Variants in GLG1 observed in about 807,000 individuals in gnomAD.
The protein encoded by GLG1 is golgi glycoprotein 1.
In GLG1, 38 loss-of-function variants were observed where a neutral mutation model predicts 160.5. The ratio of observed to expected loss-of-function variants is 0.24; its 90% CI spans 0.18 to 0.31. GLG1 has a LOEUF of 0.31. GLG1 is among the 10% of genes least tolerant of loss of function. GLG1 has a pLI of 1.00. For synonymous variants in GLG1, 644 were observed against 543.4 expected, an observed-to-expected ratio of 1.19 and a Z score of -2.57; for missense variants, 1,373 against 1,505.2, an observed-to-expected ratio of 0.91 and a Z score of 1.45.
chr16:74,452,619 C>G lies in GLG1; in HGVS notation c.*548G>C. The G allele has an allele frequency of 3.0e-6, 3 of 999,150 alleles. No individual in the cohort carries two copies. Among genetic ancestry groups the G allele is most frequent in the Non-Finnish European group, 2.4e-6 (2 of 837,372 alleles). 61.9% of individuals were successfully genotyped at this position (999,150 alleles called of 1,614,324 possible). The stretch of plus-strand genomic sequence containing the variant: ...CCCACCCACGCCTCGGTGAAGACCA[C>G]GGCCCTGGCGAGGCCCCAAGGTGCT... On this transcript the variant is annotated 3_prime_UTR_variant, in exon 26 of 26. Coordinates refer to ENST00000422840, the MANE Select transcript of GLG1 (RefSeq NM_001145667.2).
At position 74,451,815 on chromosome 16, in the gene GLG1, G is replaced by A. The variant is rs2014316888; in HGVS notation, c.*1352C>T. 4.2e-6 allele frequency: 2 copies of A among 474,812 alleles called. No homozygotes were observed. The highest frequency in any genetic ancestry group is 3.8e-5 in the East Asian group (1 of 26,620). The allele number at this position is 474,812 out of a possible 1,614,324, so 29.4% of individuals were successfully genotyped here. A position where few individuals can be genotyped will look rare whatever the true frequency, so the allele number is the denominator to read the frequency against. ...CAGACTTGTCATCTCCACACTGGAG[G>A]AATGAGGCGGGATGGCCAAGAATAT... On this transcript the variant is annotated 3_prime_UTR_variant, in exon 26 of 26. Transcript: ENST00000422840.
In GLG1 at chr16:74,606,870, T is replaced by C. The variant is rs775357557; in HGVS notation, c.225A>G (p.Gln75=). The C allele has an allele frequency of 3.7e-6, 6 of 1,600,308 alleles. No individual in the cohort carries two copies. Among genetic ancestry groups the C allele is most frequent in the South Asian group, 1.1e-5 (1 of 89,930 alleles). Residue 75 remains glutamine (Q), a synonymous_variant, in exon 1 of 26, where the codon CAA becomes CAG. Coordinates refer to ENST00000422840, the MANE Select transcript of GLG1 (RefSeq NM_001145667.2). ...QLPQSSQLQQ[Q]QQQQQQQQQP... ...GCTGTTGCTGTTGCTGCTGCTGCTG[T>C]TGCTGCTGAAGCTGCGATGACTGAG...
At chr16:74,539,227 G>A (rs1003837045) in intron 1 of GLG1, among the ~76,000 whole-genome samples, 3 of 149,598 alleles carry the variant, frequency 2.0e-5, no homozygotes, top group African/African-American at 4.9e-5. Context: ...TAAACACAGT[G>A]TCATAATTTG....
At chr16:74,507,150 A>G (rs2016641533) in intron 3 of GLG1, among the ~76,000 whole-genome samples, 1 of 152,176 alleles carries the variant, frequency 6.6e-6, no homozygotes, top group Non-Finnish European at 1.5e-5. Context: ...CCTGATATTT[A>G]ATTTCCCTGA....
intron 10 of GLG1, among the ~76,000 whole-genome samples, chr16:74,481,465 C>CTT (rs905746085): frequency 6.8e-6 from 1 of 148,086 alleles, no homozygotes; most frequent in Admixed American, 6.8e-5. Flanking sequence ...CTATGCAGCA[C>CTT]TTTTTTTTTT....
At chr16:74,490,001 T>A (rs1351067068) in intron 8 of GLG1, among the ~76,000 whole-genome samples, 1 of 152,158 alleles carries the variant, frequency 6.6e-6, no homozygotes, top group African/African-American at 2.4e-5. Flanking sequence ...AACTATAAAA[T>A]AATAGACTGA....
At chr16:74,454,075 G>A (rs1383347766) in intron 25 of GLG1, among the ~76,000 whole-genome samples, 8 of 151,858 alleles carry the variant, frequency 5.3e-5, no homozygotes, top group African/African-American at 1.9e-4. Context: ...GGGTTTCACT[G>A]TGTTGGGCAG....
chr16:74,503,884 G>A, intron 3 of GLG1, 138 bp from the exon 4 acceptor site: 3 of 626,918 alleles, frequency 4.8e-6, no homozygotes, highest in East Asian at 5.5e-5. Flanking sequence ...AAAATGCTTA[G>A]AAATATATCC....
intron 12 of GLG1, among the ~76,000 whole-genome samples, chr16:74,476,650 C>T (rs1261577225): frequency 1.3e-5 from 2 of 152,182 alleles, no homozygotes; most frequent in Non-Finnish European, 2.9e-5. Context: ...ACATGACCTG[C>T]AGTCATGCAT....
At chr16:74,581,986 C>T (rs1389960957) in intron 1 of GLG1, among the ~76,000 whole-genome samples, 1 of 151,730 alleles carries the variant, frequency 6.6e-6, no homozygotes, top group Non-Finnish European at 1.5e-5. Flanking sequence ...TGGCTTGAAC[C>T]CTCTCCTCCT....
At chr16:74,461,828 G>A in intron 22 of GLG1, 1 of 312,292 alleles carries the variant, frequency 3.2e-6, no homozygotes, top group Non-Finnish European at 5.8e-6. Flanking sequence ...TAAGAAGAAG[G>A]GAAGAACAAA....
At chr16:74,581,912 AAAAAC>A (rs1200012500) in intron 1 of GLG1, among the ~76,000 whole-genome samples, 7 of 152,216 alleles carry the variant, frequency 4.6e-5, no homozygotes, top group East Asian at 3.8e-4. Context: ...TCCGTCTCAA[AAAAAC>A]AAAACAAAAC....
chr16:74,492,838 A>T, intron 7 of GLG1, 119 bp downstream of exon 7: 1 of 537,812 alleles, frequency 1.9e-6, no homozygotes, highest in Non-Finnish European at 3.0e-6. Context: ...AAAAAAAAAA[A>T]AGAAAAATAC....
At chr16:74,513,701 G>C (rs2016885519) in intron 2 of GLG1, among the ~76,000 whole-genome samples, 1 of 152,096 alleles carries the variant, frequency 6.6e-6, no homozygotes, top group African/African-American at 2.4e-5. Flanking sequence ...AGAGCAGAAA[G>C]GCTGAAAATT....
At chr16:74,475,820 T>TA (rs1382098807) in intron 12 of GLG1, among the ~76,000 whole-genome samples, 1 of 151,712 alleles carries the variant, frequency 6.6e-6, no homozygotes, top group Non-Finnish European at 1.5e-5. Flanking sequence ...GAAGAAGAAA[T>TA]AAAAAAGCTA....
intron 8 of GLG1, 61 bp from the exon 9 acceptor site, chr16:74,485,978 T>A (rs1177400349): frequency 1.5e-6 from 2 of 1,350,912 alleles, no homozygotes; most frequent in Non-Finnish European, 2.1e-6. Flanking sequence ...GTAAGAGCAG[T>A]GTCTTCATAC....
intron 2 of GLG1, among the ~76,000 whole-genome samples, chr16:74,514,058 A>AT (rs2016899982): frequency 6.6e-6 from 1 of 152,216 alleles, no homozygotes. Flanking sequence ...GATCAAATGA[A>AT]TGAAATAAAG....
chr16:74,557,402 G>A (rs2018383063), intron 1 of GLG1, among the ~76,000 whole-genome samples: 1 of 152,070 alleles, frequency 6.6e-6, no homozygotes, highest in African/African-American at 2.4e-5. Context: ...TTAGGTCTGG[G>A]GAGAGGCAAG....
At chr16:74,515,404 C>T (rs1472756767) in intron 2 of GLG1, among the ~76,000 whole-genome samples, 1 of 152,206 alleles carries the variant, frequency 6.6e-6, no homozygotes, top group African/African-American at 2.4e-5. Flanking sequence ...AAGTAGAACA[C>T]TCCTCAACAA....
Sources: gnomAD v4.1 joint callset for allele counts (sites outside exome capture counted in the v4.1 genomes callset) on GRCh38, gnomAD v4.1.1 for gene constraint, MANE v1.5 for transcripts, NCBI Gene and HGNC (gene_info 2026-07-23, HGNC 2026-07-21) for gene names.